Variants in USP46 observed in about 807,000 individuals in gnomAD.
USP46 encodes ubiquitin carboxyl-terminal hydrolase 46.
In USP46, 12 loss-of-function variants were observed where a neutral mutation model predicts 44.4. The ratio of observed to expected loss-of-function variants is 0.27; its 90% CI spans 0.17 to 0.44. USP46 has a LOEUF of 0.44. Ranked by LOEUF, USP46 falls within the 20% of genes least tolerant of loss-of-function variation. The pLI, the probability that USP46 is intolerant of heterozygous loss-of-function variation, is 1.00. For missense variants in USP46, 248 were observed against 444.8 expected (o/e 0.56, Z 3.98); for synonymous variants, 155 against 161.5 (o/e 0.96, Z 0.31).
chr4:52,654,615 T>G (rs1386955574), intron 1 of USP46, among the ~76,000 whole-genome samples: 3 of 152,172 alleles, frequency 2.0e-5, no homozygotes, highest in Non-Finnish European at 4.4e-5. Context: ...AGGCTGATCT[T>G]GAATTCCTGG....
intron 1 of USP46, among the ~76,000 whole-genome samples, chr4:52,651,544 T>G (rs570906940): frequency 6.6e-6 from 1 of 152,290 alleles, no homozygotes; most frequent in African/African-American, 2.4e-5. Context: ...TTCTAAATAT[T>G]TAAGACAGTA....
At position 52,659,212 on chromosome 4, in the gene USP46, A is replaced by T; in HGVS notation, c.-62T>A. 7.2e-7 allele frequency: 1 copy of T among 1,396,646 alleles called. No individual in the cohort carries two copies. Among genetic ancestry groups the T allele is most frequent in the Non-Finnish European group, 9.5e-7 (1 of 1,057,538 alleles). 86.5% of individuals were successfully genotyped at this position (1,396,646 alleles called of 1,614,324 possible). On this transcript the variant is annotated 5_prime_UTR_variant, in exon 1 of 9. The change abolishes an upstream ATG in the 5' untranslated region. Coordinates refer to ENST00000441222, the MANE Select transcript of USP46 (RefSeq NM_022832.4). This position sits in a 1 kb window ranked among gnomAD's most constrained non-coding sequence, Gnocchi z 4.2. ...TTACAAGGGGAAACCGGGACTGCCC[A>T]TGGTGGCGCGCTGGCGGGGAGGCCG...
At position 52,593,633 on chromosome 4, in the gene USP46, T is replaced by A. The variant is rs1469102609; in HGVS notation, c.*4007A>T. ...CCTGCCCTCCTTCTGGGGCAGGGAG[T>A]GGTGTGAACCCACGTGAGTATTTCT... On this transcript the variant is annotated 3_prime_UTR_variant, in exon 9 of 9. Transcript: ENST00000441222. 1.3e-5 allele frequency: 2 copies of A among 152,032 alleles called. No individual in the cohort carries two copies. Among genetic ancestry groups the A allele is most frequent in the Non-Finnish European group, 1.5e-5 (1 of 67,986 alleles). The allele number at this position is 152,032 out of a possible 1,614,324, so 9.4% of individuals were successfully genotyped here. A position where few individuals can be genotyped will look rare whatever the true frequency, so the allele number is the denominator to read the frequency against.
chr4:52,633,882 A>ACACAG (rs1182147887), intron 1 of USP46, among the ~76,000 whole-genome samples: 6 of 152,296 alleles, frequency 3.9e-5, no homozygotes, highest in Non-Finnish European at 5.9e-5. Context: ...CCACAGCACA[A>ACACAG]CACAGCACAG....
chr4:52,648,980 A>G (rs975659084), intron 1 of USP46, among the ~76,000 whole-genome samples: 2 of 152,224 alleles, frequency 1.3e-5, no homozygotes, highest in Non-Finnish European at 2.9e-5. Flanking sequence ...CACTACAGCA[A>G]TGATTAGAAG....
intron 4 of USP46, 60 bp downstream of exon 4, chr4:52,625,958 G>T: frequency 6.8e-7 from 1 of 1,464,826 alleles, no homozygotes; most frequent in Non-Finnish European, 9.4e-7. Context: ...GCAATCACAT[G>T]CAACATAGCG....
chr4:52,618,968 C>T lies in USP46; in HGVS notation c.561+7050G>A, dbSNP rs150381725. Among the ~76,000 whole-genome samples the T allele has an allele frequency of 3.4e-4, 52 of 152,086 alleles. No homozygotes were observed. The East Asian group carries it at 8.9e-3, about 26-fold the overall frequency. On this transcript the variant is annotated intron_variant, in intron 4 of 8. Coordinates refer to ENST00000441222, the MANE Select transcript of USP46 (RefSeq NM_022832.4). ...AACATGTTAAAGCCACTGAGAAGCA[C>T]GGAAAAATCAGAGATTTGTAGAGCA...
Position 52,609,987 on chromosome 4 carries a change from G to A in USP46, c.638+554C>T, listed in dbSNP as rs554943179. ...GTCGCCCAGGCTGGAGTGCAGTGGC[G>A]CGATCTCGACTCACTGCAAGCTCCG... On this transcript the variant is annotated intron_variant, in intron 5 of 8. Transcript: ENST00000441222. Among the ~76,000 whole-genome samples the A allele has an allele frequency of 1.4e-4, 17 of 118,240 alleles. No individual in the cohort carries two copies. In the East Asian group the frequency reaches 3.3e-3, roughly 23 times the overall value. 77.6% of individuals were successfully genotyped at this position (118,240 alleles called of 152,430 possible). A position where few individuals can be genotyped will look rare whatever the true frequency, so the allele number is the denominator to read the frequency against.
At chr4:52,614,186 T>C (rs1365413078) in intron 4 of USP46, among the ~76,000 whole-genome samples, 1 of 152,118 alleles carries the variant, frequency 6.6e-6, no homozygotes, top group Non-Finnish European at 1.5e-5. Context: ...TCAGGAATCT[T>C]TTAGCTAATA....
chr4:52,595,247 TAA>T lies in USP46; in HGVS notation c.*2391_*2392del, dbSNP rs1305504170. ...TACACTGTGAATGAGGGATGTAAACTAAAAGTGTTTGCATGTTACTGTCTTTA... is the reference window on the plus strand; with the variant it reads ...TACACTGTGAATGAGGGATGTAAACTAAGTGTTTGCATGTTACTGTCTTTA... On this transcript the variant is annotated 3_prime_UTR_variant, in exon 9 of 9. Coordinates refer to ENST00000441222, the MANE Select transcript of USP46 (RefSeq NM_022832.4). The T allele has an allele frequency of 3.3e-5, 5 of 152,612 alleles. No individual in the cohort carries two copies. The highest frequency in any genetic ancestry group is 1.2e-4 in the African/African-American group (5 of 41,432). 9.5% of individuals were successfully genotyped at this position (152,612 alleles called of 1,614,324 possible). A position where few individuals can be genotyped will look rare whatever the true frequency, so the allele number is the denominator to read the frequency against.
chr4:52,639,945 T>C (rs1718270235), intron 1 of USP46, among the ~76,000 whole-genome samples: 1 of 139,340 alleles, frequency 7.2e-6, no homozygotes, highest in South Asian at 2.5e-4. Context: ...GCTCAAACAA[T>C]CCTTTCCCCT....
intron 1 of USP46, chr4:52,655,431 A>G (rs951262454): frequency 3.3e-5 from 5 of 152,248 alleles, no homozygotes; most frequent in African/African-American, 7.2e-5. Flanking sequence ...ATCTTACAGC[A>G]TTATTAACAA....
At chr4:52,656,643 G>A in intron 1 of USP46, 2 of 1,091,302 alleles carry the variant, frequency 1.8e-6, no homozygotes, top group Non-Finnish European at 2.3e-6. Flanking sequence ...CCATGTACCA[G>A]GCCCTGTGCC....
At chr4:52,649,851 T>C (rs1718688198) in intron 1 of USP46, among the ~76,000 whole-genome samples, 1 of 152,222 alleles carries the variant, frequency 6.6e-6, no homozygotes, top group Non-Finnish European at 1.5e-5. Flanking sequence ...TGGTGGTTTA[T>C]CAACCTTGGA....
At chr4:52,616,320 T>TCTTTC (rs1002860618) in intron 4 of USP46, among the ~76,000 whole-genome samples, 9 of 152,074 alleles carry the variant, frequency 5.9e-5, no homozygotes, top group South Asian at 2.1e-4. Context: ...CACTAAGAGA[T>TCTTTC]CTTTCCTTTC....
chr4:52,652,994 T>C (rs1718822998), intron 1 of USP46, among the ~76,000 whole-genome samples: 1 of 151,872 alleles, frequency 6.6e-6, no homozygotes, highest in Non-Finnish European at 1.5e-5. Flanking sequence ...AAAAGGAAGG[T>C]TGGCCCTATG....
intron 1 of USP46, chr4:52,655,188 A>G (rs530229867): frequency 6.6e-6 from 1 of 152,366 alleles, no homozygotes; most frequent in South Asian, 2.1e-4. Context: ...AGTTTATTCA[A>G]CTTCTATCTG....
intron 5 of USP46, among the ~76,000 whole-genome samples, chr4:52,608,433 C>T (rs939449289): frequency 6.6e-6 from 1 of 152,254 alleles, no homozygotes; most frequent in Non-Finnish European, 1.5e-5. Flanking sequence ...ACTGACGAGG[C>T]TGCGCCTATG....
intron 4 of USP46, among the ~76,000 whole-genome samples, chr4:52,617,048 G>C (rs1560398159): frequency 6.6e-6 from 1 of 152,210 alleles, no homozygotes; most frequent in East Asian, 1.9e-4. Context: ...TACTTTAACT[G>C]CTATATCCTT....
Sources: gnomAD v4.1 joint callset for allele counts (sites outside exome capture counted in the v4.1 genomes callset) on GRCh38, gnomAD v4.1.1 for gene constraint, Gnocchi (gnomAD v3.1) non-coding constraint, MANE v1.5 for transcripts, NCBI Gene and HGNC (gene_info 2026-07-23, HGNC 2026-07-21) for gene names.